ZC3H14: variants seen among roughly 807,000 people sequenced by gnomAD.
ZC3H14 encodes the protein zinc finger CCCH domain-containing protein 14.
A neutral mutation model predicts 92.4 loss-of-function variants in ZC3H14; 31 were observed. The ratio of observed to expected loss-of-function variants is 0.34; its 90% CI spans 0.25 to 0.45. ZC3H14 has a LOEUF of 0.45. Among genes scored for constraint, ZC3H14 ranks in the 20% least tolerant of loss-of-function variants. The pLI, the probability that ZC3H14 is intolerant of heterozygous loss-of-function variation, is 1.00. For missense variants in ZC3H14, 781 were observed against 897.3 expected, an observed-to-expected ratio of 0.87 and a Z score of 1.66; for synonymous variants, 321 against 300.9, an observed-to-expected ratio of 1.07 and a Z score of -0.69.
chr14:88,585,690 T>TC (rs2082389098), intron 9 of ZC3H14, among the ~76,000 whole-genome samples: 1 of 152,114 alleles, frequency 6.6e-6, no homozygotes, highest in Non-Finnish European at 1.5e-5. Flanking sequence ...ATGCTTGGCC[T>TC]CATTTCTGTT....
At position 88,569,734 on chromosome 14, in the gene ZC3H14, C is replaced by T. The variant is rs145999061; in HGVS notation, c.195-1350C>T. Among the ~76,000 whole-genome samples the T allele has an allele frequency of 6.9e-3, 1,049 of 152,280 alleles. 13 individuals carry two copies. Among genetic ancestry groups the T allele is most frequent in the African/African-American group, 0.024 (993 of 41,558 alleles). On this transcript the variant is annotated intron_variant, in intron 3 of 16. Coordinates refer to ENST00000251038, the MANE Select transcript of ZC3H14 (RefSeq NM_024824.5). ...GCCTGGTTAAGTTCTTGCCTTTATA[C>T]CAAAGGTCGTCTTCAAGGTGTTTTT... is the stretch of plus-strand genomic sequence containing the variant.
chr14:88,568,191 G>C, intron 3 of ZC3H14, 38 bp downstream of exon 3: 1 of 1,550,434 alleles, frequency 6.4e-7, no homozygotes, highest in Non-Finnish European at 8.9e-7. Context: ...ACCAAAGTTT[G>C]GCACAAGCCT....
intron 9 of ZC3H14, among the ~76,000 whole-genome samples, chr14:88,595,711 T>A (rs1218642150): frequency 6.6e-6 from 1 of 152,236 alleles, no homozygotes; most frequent in Non-Finnish European, 1.5e-5. Flanking sequence ...TTTTAAAATT[T>A]AAAAACACCT....
chr14:88,621,408 T>C lies in ZC3H14; in HGVS notation c.*9657T>C, dbSNP rs752061114. 1 of 1,360,686 alleles carries C rather than the reference T, an allele frequency of 7.3e-7. No homozygotes were observed. The highest frequency in any genetic ancestry group is 1.4e-5 in the African/African-American group (1 of 69,584). 84.3% of individuals were successfully genotyped at this position (1,360,686 alleles called of 1,614,324 possible). A position where few individuals can be genotyped will look rare whatever the true frequency, so the allele number is the denominator to read the frequency against. On this transcript the variant is annotated 3_prime_UTR_variant, in exon 17 of 17. Transcript: ENST00000251038. Reference sequence around the variant, plus strand: ...ACCTGCTTTCAGAGAACTTTTTGCTTTGAGCTAATCTAGTAGCAAGGCAGT... The same window carrying C: ...ACCTGCTTTCAGAGAACTTTTTGCTCTGAGCTAATCTAGTAGCAAGGCAGT...
At position 88,616,488 on chromosome 14, in the gene ZC3H14, G is replaced by C; in HGVS notation, c.*4737G>C. ...GAAAAGCATTTGAAATTTGATAACT[G>C]ATTATAGGTTTGGTGAAAAGCTAAT... On this transcript the variant is annotated 3_prime_UTR_variant, in exon 17 of 17. Coordinates refer to ENST00000251038, the MANE Select transcript of ZC3H14 (RefSeq NM_024824.5). 5.0e-6 allele frequency: 3 copies of C among 605,592 alleles called. No homozygotes were observed. Among genetic ancestry groups the C allele is most frequent in the Non-Finnish European group, 2.8e-6 (1 of 350,976 alleles). The allele number at this position is 605,592 out of a possible 1,614,324, so 37.5% of individuals were successfully genotyped here. A position where few individuals can be genotyped will look rare whatever the true frequency, so the allele number is the denominator to read the frequency against.
At chr14:88,586,834 A>G (rs1421477384) in intron 9 of ZC3H14, 2 of 152,222 alleles carry the variant, frequency 1.3e-5, no homozygotes, top group Non-Finnish European at 2.9e-5. Flanking sequence ...GATTAAAAAT[A>G]AAAAGCAACA....
At position 88,620,780 on chromosome 14, in the gene ZC3H14, G is replaced by A; in HGVS notation, c.*9029G>A. Reference sequence around the variant, plus strand: ...TGATATCATGGATTGCACATCTCCTGTCTCTCTTCTTTCCCCATATTTTTA... The same window carrying A: ...TGATATCATGGATTGCACATCTCCTATCTCTCTTCTTTCCCCATATTTTTA... On this transcript the variant is annotated 3_prime_UTR_variant, in exon 17 of 17. Transcript: ENST00000251038. This position sits in a 1 kb window ranked among gnomAD's most constrained non-coding sequence, Gnocchi z 4.3. 1.2e-6 allele frequency: 2 copies of A among 1,604,314 alleles called. No individual in the cohort carries two copies. The highest frequency in any genetic ancestry group is 2.2e-5 in the East Asian group (1 of 44,740).
chr14:88,577,529 C>T (rs552069982), intron 8 of ZC3H14, among the ~76,000 whole-genome samples: 2 of 151,984 alleles, frequency 1.3e-5, no homozygotes, highest in Admixed American at 1.3e-4. Context: ...TGAATGGTAT[C>T]TATGGATTGA....
At chr14:88,563,484 TG>T in intron 1 of ZC3H14, 166 bp from the exon 2 acceptor site, 1 of 1,489,520 alleles carries the variant, frequency 6.7e-7, no homozygotes, top group Non-Finnish European at 8.9e-7. Flanking sequence ...GGGCTGGAGC[TG>T]GAGTGGGGTG....
At chr14:88,581,476 G>A (rs2081903831) in intron 9 of ZC3H14, among the ~76,000 whole-genome samples, 1 of 152,128 alleles carries the variant, frequency 6.6e-6, no homozygotes, top group African/African-American at 2.4e-5. Flanking sequence ...CAGGAGAATC[G>A]CTTGGATCCG....
chr14:88,618,423 G>T lies in ZC3H14; in HGVS notation c.*6672G>T. 1.7e-6 allele frequency: 2 copies of T among 1,183,912 alleles called. No individual in the cohort carries two copies. The highest frequency in any genetic ancestry group is 1.3e-5 in the South Asian group (1 of 76,372). 73.3% of individuals were successfully genotyped at this position (1,183,912 alleles called of 1,614,324 possible). On this transcript the variant is annotated 3_prime_UTR_variant, in exon 17 of 17. Transcript: ENST00000251038. ...ACAGAATACTAGCATATTGCTACTT[G>T]ATTTACATGTCTAACATTATTAAGT...
At position 88,592,968 on chromosome 14, in the gene ZC3H14, A is replaced by G. The variant is rs1197035163; in HGVS notation, c.1280-3766A>G. Among the ~76,000 whole-genome samples, 3 of 124,424 alleles carry G rather than the reference A, an allele frequency of 2.4e-5. 1 individual carries two copies. The highest frequency in any genetic ancestry group is 8.2e-5 in the African/African-American group (3 of 36,546). The allele number at this position is 124,424 out of a possible 152,430, so 81.6% of individuals were successfully genotyped here. ...TGTTAATGGATTGGAAGTCTTTACT[A>G]TTCTTTTTTTTTTTTTTTGAGATGG... On this transcript the variant is annotated intron_variant, in intron 9 of 16. Transcript: ENST00000251038.
intron 12 of ZC3H14, among the ~76,000 whole-genome samples, chr14:88,606,694 A>G (rs11628545): frequency 0.61 from 88,951 of 146,178 alleles, 28,757 homozygotes; most frequent in Non-Finnish European, 0.73. Context: ...CCGAGATTAC[A>G]CCACTGGCAC....
chr14:88,578,616 T>A (rs964957280), intron 9 of ZC3H14, among the ~76,000 whole-genome samples: 3 of 152,076 alleles, frequency 2.0e-5, no homozygotes, highest in Non-Finnish European at 4.4e-5. Flanking sequence ...ATTTCTGCAT[T>A]CTTTCTTTTT....
rs571590584 is a variant in ZC3H14 at position 88,574,960 on chromosome 14, G to A, written c.1022+107G>A. On this transcript the variant is annotated intron_variant, in intron 7 of 16. Transcript: ENST00000251038. ...ATAATTTTTGTTTGTTTTTTGAGAC[G>A]GAGTCTCGCTCTGTCAACCAGGCTG... is the stretch of plus-strand genomic sequence containing the variant. 41 of 1,504,444 alleles carry A rather than the reference G, an allele frequency of 2.7e-5. No individual in the cohort carries two copies. The East Asian group carries it at 7.2e-4, about 26-fold the overall frequency. 93.2% of individuals were successfully genotyped at this position (1,504,444 alleles called of 1,614,324 possible).
chr14:88,589,238 C>G (rs1264062501), intron 9 of ZC3H14: 1 of 152,134 alleles, frequency 6.6e-6, no homozygotes, highest in Admixed American at 6.5e-5. Context: ...ATTGGCCTTG[C>G]AGTTGTAGAG....
chr14:88,589,052 CA>C (rs1161658090), intron 9 of ZC3H14, among the ~76,000 whole-genome samples: 1 of 151,836 alleles, frequency 6.6e-6, no homozygotes, highest in Non-Finnish European at 1.5e-5. Flanking sequence ...GAGTCAGAGT[CA>C]GATTTTATGC....
intron 12 of ZC3H14, among the ~76,000 whole-genome samples, chr14:88,606,405 A>G (rs903600104): frequency 2.0e-5 from 3 of 152,144 alleles, no homozygotes; most frequent in Non-Finnish European, 4.4e-5. Flanking sequence ...TCTTGCTGTT[A>G]GGGGAACTGC....
At chr14:88,586,288 G>A (rs2082468715) in intron 9 of ZC3H14, among the ~76,000 whole-genome samples, 1 of 152,180 alleles carries the variant, frequency 6.6e-6, no homozygotes, top group Non-Finnish European at 1.5e-5. Context: ...ATCTCTGAGT[G>A]TTATTTGGGG....
Sources: allele counts gnomAD v4.1 joint callset (sites outside exome capture counted in the v4.1 genomes callset), GRCh38; gene constraint gnomAD v4.1.1; non-coding constraint Gnocchi (gnomAD v3.1); transcripts MANE v1.5; gene names NCBI Gene and HGNC (gene_info 2026-07-23, HGNC 2026-07-21).